CCDC188: variants seen among roughly 807,000 people sequenced by gnomAD.
The protein encoded by CCDC188 is coiled-coil domain containing 188.
In CCDC188, 37 loss-of-function variants were observed where a neutral mutation model predicts 50.7. The ratio of observed to expected loss-of-function variants is 0.73; its 90% CI spans 0.56 to 0.96. CCDC188 has a LOEUF of 0.96. Among genes scored for constraint, CCDC188 ranks in the 40% least tolerant of loss-of-function variants. The probability of loss-of-function intolerance (pLI) is 0.00; values close to 1 mark genes in which losing one functional copy is unlikely to be tolerated. For missense variants in CCDC188, 453 were observed against 512.9 expected (o/e 0.88, Z 1.13); for synonymous variants, 208 against 228.0 (o/e 0.91, Z 0.79).
chr22:20,149,859 T>C, intron 3 of CCDC188, 79 bp from the exon 4 acceptor site: 1 of 1,484,408 alleles, frequency 6.7e-7, no homozygotes, highest in Non-Finnish European at 9.0e-7. Context: ...ACTGGCCTAC[T>C]GCACGAAGAC....
chr22:20,150,804 T>C lies in CCDC188; in HGVS notation c.183A>G (p.Pro61=), dbSNP rs1185624588. 2 of 1,549,386 alleles carry C rather than the reference T, an allele frequency of 1.3e-6. No individual in the cohort carries two copies. The highest frequency in any genetic ancestry group is 1.7e-6 in the Non-Finnish European group (2 of 1,146,458). ...SVQSQRPFPV[P]GAGGSGPTVE... ...CTGTGGGCCCACTGCCCCCTGCCCC[T>C]GGGACTGGGAAAGGTCTCTGGGACT... is the stretch of plus-strand genomic sequence containing the variant. Residue 61 remains proline (P), a synonymous_variant, in exon 1 of 9, where the codon CCA becomes CCG. Coordinates refer to ENST00000439765, the MANE Select transcript of CCDC188 (RefSeq NM_001365892.2).
At position 20,149,202 on chromosome 22, in the gene CCDC188, C is replaced by T; in HGVS notation, c.957G>A (p.Gln319=). 6.8e-7 allele frequency: 1 copy of T among 1,469,620 alleles called. No homozygotes were observed. The highest frequency in any genetic ancestry group is 1.8e-4 in the Middle Eastern group (1 of 5,600). The allele number at this position is 1,469,620 out of a possible 1,614,324, so 91.0% of individuals were successfully genotyped here. ...QCRTRARKEK[Q]MASMSKGRPK... is the part of the protein sequence containing the mutation. ...GGGGGCTCACCGACATGCTTGCCAT[C>T]TGCTTCTCCTTCCTGGCTCGAGTGC... Residue 319 remains glutamine, a synonymous_variant, in exon 7 of 9, where the codon CAG becomes CAA. Coordinates refer to ENST00000439765, the MANE Select transcript of CCDC188 (RefSeq NM_001365892.2).
intron 8 of CCDC188, 32 bp from the exon 9 acceptor site, chr22:20,148,832 C>T (rs756022419): frequency 2.3e-5 from 34 of 1,453,454 alleles, no homozygotes; most frequent in South Asian, 5.7e-5. Flanking sequence ...GGCAGGGGCG[C>T]GCGGGGGGCC....
rs1306503317 is a variant in CCDC188, at chr22:20,151,002, C to T, written c.-16G>A. ...GCCCCTCCATCCCTCCCTGCAACCC[C>T]TTCCTGATCCCAGGTCCAGGCTCTG... is the stretch of plus-strand genomic sequence containing the variant. On this transcript the variant is annotated 5_prime_UTR_variant, in exon 1 of 9. Transcript: ENST00000439765. The T allele has an allele frequency of 2.2e-6, 3 of 1,373,464 alleles. No individual in the cohort carries two copies. In the African/African-American group the frequency reaches 4.4e-5, roughly 20 times the overall value. 85.1% of individuals were successfully genotyped at this position (1,373,464 alleles called of 1,614,324 possible).
chr22:20,148,447 C>A lies in CCDC188; in HGVS notation c.*167G>T. ...GCCACTTATGTCATGATTCTATGTC[C>A]AGCCACAGGCCCAGCCCTCAGGACA... On this transcript the variant is annotated 3_prime_UTR_variant, in exon 9 of 9. Transcript: ENST00000439765. 1 of 1,309,028 alleles carries A rather than the reference C, an allele frequency of 7.6e-7. No individual in the cohort carries two copies. Among genetic ancestry groups the A allele is most frequent in the Non-Finnish European group, 9.7e-7 (1 of 1,029,694 alleles). 81.1% of individuals were successfully genotyped at this position (1,309,028 alleles called of 1,614,324 possible).
intron 7 of CCDC188, 102 bp downstream of exon 7, chr22:20,149,085 C>T: frequency 1.6e-6 from 2 of 1,273,490 alleles, no homozygotes; most frequent in Non-Finnish European, 2.1e-6. Flanking sequence ...ATGCCCCCTG[C>T]CCTGGACCTG....
chr22:20,149,135 C>T lies in CCDC188; in HGVS notation c.972+52G>A, dbSNP rs2050569717. 3 of 1,382,940 alleles carry T rather than the reference C, an allele frequency of 2.2e-6. No homozygotes were observed. The East Asian group carries it at 7.6e-5, about 35-fold the overall frequency. 85.7% of individuals were successfully genotyped at this position (1,382,940 alleles called of 1,614,324 possible). ...ATTTCTCCCTCTCGCCCAAGCAGGG[C>T]CCTGGGTGGGGGGCTGGTCTCCAGA... is the stretch of plus-strand genomic sequence containing the variant. On this transcript the variant is annotated intron_variant, in intron 7 of 8. Transcript: ENST00000439765.
chr22:20,150,547 G>C lies in CCDC188; in HGVS notation c.440C>G (p.Ala147Gly). 1 of 1,549,066 alleles carries C rather than the reference G, an allele frequency of 6.5e-7. No individual in the cohort carries two copies. The highest frequency in any genetic ancestry group is 8.7e-7 in the Non-Finnish European group (1 of 1,146,308). The change falls in exon 1 of 9, where the codon GCC (alanine) becomes GGC (glycine). Residue 147 changes from alanine to glycine, a missense_variant. Transcript: ENST00000439765. ...CAGCCCGCACTGAAGCTGGGACAGG[G>C]CTACCCTGGGCGAGGCCAGGGCCCC... The part of the protein sequence containing the change: ...EGGALASPRV[A>G]LSQLQCGLLG...
chr22:20,149,929 C>G (rs369140079), intron 3 of CCDC188, 26 bp downstream of exon 3: 41 of 1,521,944 alleles, frequency 2.7e-5, no homozygotes, highest in Admixed American at 8.4e-5. Flanking sequence ...CTTCCTCCCC[C>G]CCCACAGCCC....
rs1161830164 is a variant in CCDC188, at chr22:20,150,822, C to T, written c.165G>A (p.Gln55=). The T allele has an allele frequency of 1.3e-6, 2 of 1,548,026 alleles. No homozygotes were observed. The highest frequency in any genetic ancestry group is 2.4e-5 in the East Asian group (1 of 40,874). The change falls in exon 1 of 9, where the codon CAG becomes CAA. Residue 55 remains glutamine, a synonymous_variant. Coordinates refer to ENST00000439765, the MANE Select transcript of CCDC188 (RefSeq NM_001365892.2). Reference sequence around the variant, plus strand: ...CTGCCCCTGGGACTGGGAAAGGTCTCTGGGACTGCACTGAGTGAGCAGAGG... The same window carrying T: ...CTGCCCCTGGGACTGGGAAAGGTCTTTGGGACTGCACTGAGTGAGCAGAGG... The part of the protein sequence containing the change: ...PISSAHSVQS[Q]RPFPVPGAGG...
At position 20,150,457 on chromosome 22, in the gene CCDC188, G is replaced by C. The variant is rs1028142343; in HGVS notation, c.519+11C>G. 2.0e-6 allele frequency: 3 copies of C among 1,531,472 alleles called. No individual in the cohort carries two copies. The highest frequency in any genetic ancestry group is 2.4e-5 in the South Asian group (2 of 83,544). The allele number at this position is 1,531,472 out of a possible 1,614,324, so 94.9% of individuals were successfully genotyped here. On this transcript the variant is annotated intron_variant, in intron 1 of 8. Coordinates refer to ENST00000439765, the MANE Select transcript of CCDC188 (RefSeq NM_001365892.2). Reference sequence around the variant, plus strand: ...TGGGGCTGGGGCTGGGGCGGTGGGTGGGGTGCTCACCAGGCTGTGGTTCTC... The same window carrying C: ...TGGGGCTGGGGCTGGGGCGGTGGGTCGGGTGCTCACCAGGCTGTGGTTCTC...
chr22:20,150,188 G>A lies in CCDC188; in HGVS notation c.582C>T (p.Phe194=). Residue 194 remains phenylalanine, a synonymous_variant, in exon 2 of 9, where the codon TTC becomes TTT. Coordinates refer to ENST00000439765, the MANE Select transcript of CCDC188 (RefSeq NM_001365892.2). ...LGALLGPGQQ[F]LPLCPEHSSC... Reference sequence around the variant, plus strand: ...TTGAGTGTTCGGGACACAGGGGCAGGAACTGCTGCCCCGGCCCCAGGAGGG... The same window carrying A: ...TTGAGTGTTCGGGACACAGGGGCAGAAACTGCTGCCCCGGCCCCAGGAGGG... 6.5e-6 allele frequency: 10 copies of A among 1,548,708 alleles called. No homozygotes were observed. The highest frequency in any genetic ancestry group is 8.7e-6 in the Non-Finnish European group (10 of 1,146,036).
intron 3 of CCDC188, 80 bp from the exon 4 acceptor site, chr22:20,149,860 G>A (rs1438577413): frequency 1.3e-6 from 2 of 1,484,610 alleles, no homozygotes; most frequent in African/African-American, 2.8e-5. Flanking sequence ...CTGGCCTACT[G>A]CACGAAGACC....
At chr22:20,150,339 GTGGGGC>G (rs1204045649) in intron 1 of CCDC188, 89 bp from the exon 2 acceptor site, 17 of 968,400 alleles carry the variant, frequency 1.8e-5, no homozygotes, top group East Asian at 2.8e-5. Context: ...CAGGTGGTGG[GTGGGGC>G]TGGGGCTGGG....
In CCDC188 at chr22:20,149,180, G is replaced by A. The variant is rs1288591310; in HGVS notation, c.972+7C>T. On this transcript the variant is annotated splice_region_variant and intron_variant, in intron 7 of 8. Transcript: ENST00000439765. ...TCCAGACCCAGAGTGGGGCGTGGGG[G>A]GCTCACCGACATGCTTGCCATCTGC... is the stretch of plus-strand genomic sequence containing the variant. 6.8e-6 allele frequency: 10 copies of A among 1,465,768 alleles called. No individual in the cohort carries two copies. Among genetic ancestry groups the A allele is most frequent in the Non-Finnish European group, 8.1e-6 (9 of 1,105,762 alleles). 90.8% of individuals were successfully genotyped at this position (1,465,768 alleles called of 1,614,324 possible).
Position 20,149,960 on chromosome 22 carries a change from A to G in CCDC188, c.727T>C (p.Ser243Pro), listed in dbSNP as rs1416102640. 1.3e-6 allele frequency: 2 copies of G among 1,546,530 alleles called. No individual in the cohort carries two copies. The highest frequency in any genetic ancestry group is 2.7e-5 in the African/African-American group (2 of 72,952). The part of the protein sequence containing the change: ...CQGQEAFVQQ[S>P]QNELQQIRLC... Reference sequence around the variant, plus strand: ...AGCCCCTCCCCCAGGCCCACCTGGGACTGTTGCACGAAAGCCTCTTGCCCC... The same window carrying G: ...AGCCCCTCCCCCAGGCCCACCTGGGGCTGTTGCACGAAAGCCTCTTGCCCC... The change falls in exon 3 of 9, where the codon TCC becomes CCC. Residue 243 changes from serine to proline, a missense_variant. By Grantham distance (74) the Ser-to-Pro change is moderately conservative (BLOSUM62 -1). Transcript: ENST00000439765.
Position 20,149,201 on chromosome 22 carries a change from T to C in CCDC188, c.958A>G (p.Met320Val). ...GGGGGGCTCACCGACATGCTTGCCA[T>C]CTGCTTCTCCTTCCTGGCTCGAGTG... ...CRTRARKEKQ[M>V]ASMSKGRPKL... is the part of the protein sequence containing the mutation. The change falls in exon 7 of 9, where the codon ATG (methionine) becomes GTG (valine). Residue 320 changes from methionine (M) to valine (V), a missense_variant. Met to Val is a conservative substitution (Grantham distance 21). Coordinates refer to ENST00000439765, the MANE Select transcript of CCDC188 (RefSeq NM_001365892.2). 6.8e-7 allele frequency: 1 copy of C among 1,469,106 alleles called. No homozygotes were observed. The highest frequency in any genetic ancestry group is 1.4e-5 in the African/African-American group (1 of 70,738). 91.0% of individuals were successfully genotyped at this position (1,469,106 alleles called of 1,614,324 possible). A position where few individuals can be genotyped will look rare whatever the true frequency, so the allele number is the denominator to read the frequency against.
At position 20,148,929 on chromosome 22, in the gene CCDC188, C is replaced by T. The variant is rs536693703; in HGVS notation, c.973-5G>A. 1.2e-3 allele frequency: 1,839 copies of T among 1,500,956 alleles called. 14 individuals carry two copies. The African/African-American group carries it at 0.021, about 17-fold the overall frequency. 93.0% of individuals were successfully genotyped at this position (1,500,956 alleles called of 1,614,324 possible). A position where few individuals can be genotyped will look rare whatever the true frequency, so the allele number is the denominator to read the frequency against. On this transcript the variant is annotated splice_region_variant and splice_polypyrimidine_tract_variant and intron_variant, in intron 7 of 8. Transcript: ENST00000439765. The stretch of plus-strand genomic sequence containing the variant: ...TCCCAGCTTTGGCCTCCCTTTCTGT[C>T]GGGGAGGGGCTGGATCAGAGCCCAC...
chr22:20,149,110 A>G (rs2050569223), intron 7 of CCDC188, 77 bp downstream of exon 7: 1 of 1,331,102 alleles, frequency 7.5e-7, no homozygotes, highest in Admixed American at 2.9e-5. Context: ...CCTGGAGCCC[A>G]TTTCTCCCTC....
Sources: gnomAD v4.1 joint callset for allele counts on GRCh38, gnomAD v4.1.1 for gene constraint, MANE v1.5 for transcripts, NCBI Gene and HGNC (gene_info 2026-07-23, HGNC 2026-07-21) for gene names.